The following MSH6 variants were observed in gnomAD, a reference collection of about 807,000 sequenced individuals.
The protein encoded by MSH6 is DNA mismatch repair protein Msh6.
MSH6 carries 85 observed loss-of-function variants against 119.1 expected under a neutral mutation model. That is an observed-to-expected ratio of 0.71 (90% CI 0.60 to 0.85). The LOEUF (loss-of-function observed/expected upper bound fraction) is 0.85, where lower values mean the gene tolerates loss of function less well. Among genes scored for constraint, MSH6 ranks in the 40% least tolerant of loss-of-function variants. MSH6 has a pLI of 0.00. For synonymous variants in MSH6, 830 were observed against 586.9 expected (o/e 1.41, Z -5.99); for missense variants, 2,163 against 1,655.3 (o/e 1.31, Z -5.32).
intron 1 of MSH6, among the ~76,000 whole-genome samples, chr2:47,788,934 T>TTTG (rs1668553136): frequency 1.0e-5 from 1 of 99,650 alleles, no homozygotes; most frequent in African/African-American, 4.5e-5. Flanking sequence ...TTTTTTTTTT[T>TTTG]TTTTTTTTTT....
At position 47,788,906 on chromosome 2, in the gene MSH6, C is replaced by CTTTTTTTTTTTTTTTTTTTTTT. The variant is rs1491155839; in HGVS notation, c.261-2021_261-2020insTTTTTTTTTTTTTTTTTTTTTT. Among the ~76,000 whole-genome samples, 28 of 15,824 alleles carry CTTTTTTTTTTTTTTTTTTTTTT rather than the reference C, an allele frequency of 1.8e-3. 5 individuals carry two copies. The highest frequency in any genetic ancestry group is 2.3e-3 in the African/African-American group (6 of 2,592). 10.4% of individuals were successfully genotyped at this position (15,824 alleles called of 152,430 possible). On this transcript the variant is annotated intron_variant, in intron 1 of 9. Coordinates refer to ENST00000234420, the MANE Select transcript of MSH6 (RefSeq NM_000179.3). ...GCTATTTCTTTCTTTCTTTCTTCTT[C>CTTTTTTTTTTTTTTTTTTTTTT]CTTTTTTTTTTTTTTGTTTTTTTTT...
chr2:47,800,813 A>G lies in MSH6; in HGVS notation c.2830A>G (p.Ile944Val), dbSNP rs878853723. 1.8e-5 allele frequency: 29 copies of G among 1,614,170 alleles called. No individual in the cohort carries two copies. Among genetic ancestry groups the G allele is most frequent in the Non-Finnish European group, 2.4e-5 (28 of 1,180,016 alleles). Residue 944 changes from isoleucine to valine, a missense_variant, in exon 4 of 10, where the codon ATA becomes GTA. Transcript: ENST00000234420. ...DSDYDQALAD[I>V]RENEQSLLEY... is the part of the protein sequence containing the mutation. ...TGATTATGACCAAGCTCTTGCTGAC[A>G]TAAGAGAAAATGAACAGAGCCTCCT...
At chr2:47,809,682 A>G (rs761520519), downstream of MSH6, 2 of 1,613,424 alleles carry the variant, frequency 1.2e-6, no homozygotes, top group Non-Finnish European at 8.5e-7. Flanking sequence ...CTAGTGTTGC[A>G]GTTGCGTGAT....
chr2:47,789,155 A>T (rs1668572979), intron 1 of MSH6, among the ~76,000 whole-genome samples: 1 of 150,066 alleles, frequency 6.7e-6, no homozygotes, highest in African/African-American at 2.5e-5. Flanking sequence ...TGAACTCCTG[A>T]CCTCGTGATC....
rs3136319 is a variant in MSH6, at chr2:47,796,370, G to GTATA, written c.627+308_627+311dup. The stretch of plus-strand genomic sequence containing the variant: ...AAGATGGAGTAATATATATATGAGG[G>GTATA]TATAGTCAGGCCCTAGAAATTAATT... On this transcript the variant is annotated intron_variant, in intron 3 of 9. Transcript: ENST00000234420. Among the ~76,000 whole-genome samples the GTATA allele has an allele frequency of 2.3e-3, 355 of 151,918 alleles. 2 individuals carry two copies. The highest frequency in any genetic ancestry group is 7.3e-3 in the African/African-American group (301 of 41,416).
chr2:47,791,958 T>G (rs1270793321), intron 2 of MSH6, among the ~76,000 whole-genome samples: 1 of 152,128 alleles, frequency 6.6e-6, no homozygotes, highest in Non-Finnish European at 1.5e-5. Context: ...GTGATTCTCC[T>G]TCCTCAGCCT....
At chr2:47,797,495 A>T (rs747371438) in intron 3 of MSH6, among the ~76,000 whole-genome samples, 2 of 152,220 alleles carry the variant, frequency 1.3e-5, no homozygotes, top group African/African-American at 4.8e-5. Context: ...GAGACAGCCA[A>T]TTGTGGAAGA....
chr2:47,798,472 A>T (rs1162709783), intron 3 of MSH6, 139 bp from the exon 4 acceptor site: 2 of 843,544 alleles, frequency 2.4e-6, no homozygotes, highest in Admixed American at 4.9e-5. Flanking sequence ...CATGTAATTC[A>T]TCGAATACTG....
chr2:47,808,634 T>C, downstream of MSH6: 1 of 488,986 alleles, frequency 2.0e-6, no homozygotes, highest in Non-Finnish European at 3.6e-6. Flanking sequence ...AGAGAAATGA[T>C]TTGTAAATTG....
At chr2:47,806,752 T>C (rs774215207) in intron 9 of MSH6, 27 bp from the exon 10 acceptor site, 275 of 100,944 alleles carry the variant, frequency 2.7e-3, no homozygotes, top group African/African-American at 0.022. Context: ...ACAAAAAAAC[T>C]TTTTTTTTTT....
intron 1 of MSH6, among the ~76,000 whole-genome samples, chr2:47,788,929 T>TTGTTTTTGTTTTTTTTTTTTTTTG: frequency 2.2e-5 from 2 of 92,602 alleles, no homozygotes; most frequent in African/African-American, 1.0e-4. Context: ...TTTGTTTTTT[T>TTGTTTTTGTTTTTTTTTTTTTTTG]TTTTTTTTTT....
chr2:47,794,564 G>A (rs745923620), intron 2 of MSH6, among the ~76,000 whole-genome samples: 9 of 151,832 alleles, frequency 5.9e-5, no homozygotes, highest in Non-Finnish European at 1.0e-4. Flanking sequence ...GAGCCACCAC[G>A]CCCAGCCCTA....
rs779882561 is a variant in MSH6 at position 47,806,753 on chromosome 2, T to TC, written c.4002-26_4002-25insC. The TC allele has an allele frequency of 4.3e-5, 21 of 492,186 alleles. No individual in the cohort carries two copies. The East Asian group carries it at 7.0e-4, about 16-fold the overall frequency. The allele number at this position is 492,186 out of a possible 1,614,324, so 30.5% of individuals were successfully genotyped here. On this transcript the variant is annotated intron_variant, in intron 9 of 9. Coordinates refer to ENST00000234420, the MANE Select transcript of MSH6 (RefSeq NM_000179.3). ...TGCACTATGAAAAAACAAAAAAACT[T>TC]TTTTTTTTTTTTTTTTAATTTTAAG...
At chr2:47,810,016 CATCTGAGGAATT>C, downstream of MSH6, 1 of 488,958 alleles carries the variant, frequency 2.0e-6, no homozygotes, top group Non-Finnish European at 3.6e-6. Flanking sequence ...CTGGTAAATT[CATCTGAGGAATT>C]GAATCTATCT....
chr2:47,801,357 T>A, intron 4 of MSH6: 1 of 384,430 alleles, frequency 2.6e-6, no homozygotes, highest in Non-Finnish European at 4.5e-6. Flanking sequence ...TTGGCCTTTC[T>A]TCAGTTTTTT....
chr2:47,804,371 A>G (rs1669816453), intron 5 of MSH6, among the ~76,000 whole-genome samples: 1 of 152,132 alleles, frequency 6.6e-6, no homozygotes, highest in Non-Finnish European at 1.5e-5. Flanking sequence ...TTATATTTTT[A>G]AAAGGTTGTA....
intron 3 of MSH6, among the ~76,000 whole-genome samples, chr2:47,798,360 C>T (rs1669221953): frequency 6.6e-6 from 1 of 152,216 alleles, no homozygotes; most frequent in African/African-American, 2.4e-5. Context: ...TTGGGCGTAG[C>T]CTAACCTATC....
At chr2:47,808,263 A>G (rs750650977), downstream of MSH6, 47 of 1,612,558 alleles carry the variant, frequency 2.9e-5, 1 homozygote, top group South Asian at 5.1e-4. Flanking sequence ...GCAAAATGAA[A>G]CCCAAATATT....
chr2:47,797,244 A>G (rs1669155940), intron 3 of MSH6, among the ~76,000 whole-genome samples: 1 of 152,228 alleles, frequency 6.6e-6, no homozygotes, highest in Non-Finnish European at 1.5e-5. Context: ...AATGAGCTGC[A>G]TCCTAAAAGA....
Sources: gnomAD v4.1 joint callset for allele counts (sites outside exome capture counted in the v4.1 genomes callset) on GRCh38, gnomAD v4.1.1 for gene constraint, MANE v1.5 for transcripts, NCBI Gene and HGNC (gene_info 2026-07-23, HGNC 2026-07-21) for gene names.